Variants in KCNRG observed in about 807,000 individuals in gnomAD.
The protein encoded by KCNRG is potassium channel regulatory protein.
Under a neutral mutation model 17.7 loss-of-function variants are expected in KCNRG, and 17 were observed. The ratio of observed to expected loss-of-function variants is 0.96; its 90% confidence interval spans 0.66 to 1.44. The LOEUF is 1.44. Among genes scored for constraint, KCNRG ranks in the 40% most tolerant of loss-of-function variants. The probability of loss-of-function intolerance (pLI) is 0.00; values close to 1 mark genes in which losing one functional copy is unlikely to be tolerated. For missense variants in KCNRG, 311 were observed against 321.1 expected, an observed-to-expected ratio of 0.97 and a Z score of 0.24; for synonymous variants, 97 against 116.5, an observed-to-expected ratio of 0.83 and a Z score of 1.08.
intron 1 of KCNRG, among the ~76,000 whole-genome samples, chr13:50,019,697 A>C (rs1009127584): frequency 2.6e-5 from 4 of 152,166 alleles, no homozygotes; most frequent in Non-Finnish European, 4.4e-5. Flanking sequence ...TATGGAATTG[A>C]AATGACTTTC....
In KCNRG at chr13:50,020,275, C is replaced by G. The variant is rs755333151; in HGVS notation, c.640C>G (p.Leu214Val). Residue 214 changes from leucine to valine, a missense_variant, in exon 2 of 2, where the codon CTG becomes GTG. By Grantham distance (32) the Leu-to-Val change is conservative. Transcript: ENST00000312942. ...CAACGGAACAAATGTCCTCGGCTTA[C>G]TGATTGACACTTTATTAAAGGAAGG... ...LANGTNVLGL[L>V]IDTLLKEGFH... 8.6e-5 allele frequency: 138 copies of G among 1,613,862 alleles called. No individual in the cohort carries two copies. Among genetic ancestry groups the G allele is most frequent in the Non-Finnish European group, 1.1e-4 (129 of 1,179,868 alleles).
rs754327941 is a variant in KCNRG at position 50,020,224 on chromosome 13, A to G, written c.589A>G (p.Ile197Val). 1.1e-5 allele frequency: 17 copies of G among 1,613,922 alleles called. No individual in the cohort carries two copies. Among genetic ancestry groups the G allele is most frequent in the African/African-American group, 1.3e-5 (1 of 74,916 alleles). The change falls in exon 2 of 2, where the codon ATA (isoleucine) becomes GTA (valine). Residue 197 changes from isoleucine to valine, a missense_variant. Physicochemically the swap from Ile to Val is conservative, Grantham distance 29. Transcript: ENST00000312942. The part of the protein sequence containing the change: ...DNQTGVRYVS[I>V]KPDNRKLANG... ...TTTTGTGTGTCCTAGGTATGTTTCT[A>G]TAAAACCTGATAACCGAAAATTGGC...
rs138181145 is a variant in KCNRG at position 50,020,396 on chromosome 13, A to G, written c.761A>G (p.Asn254Ser). Residue 254 changes from asparagine (N) to serine (S), a missense_variant, in exon 2 of 2, where the codon AAT becomes AGT. Transcript: ENST00000312942. ...AAAAGCCCTGAAGTGCTCATCACGAATGAAACACCAAAACCAGAGACTATC... is the reference window on the plus strand; with the variant it reads ...AAAAGCCCTGAAGTGCTCATCACGAGTGAAACACCAAAACCAGAGACTATC... ...RIKSPEVLIT[N>S]ETPKPETIII... is the part of the protein sequence containing the mutation. The G allele has an allele frequency of 3.3e-4, 531 of 1,614,066 alleles. 7 individuals are homozygous for G. In the East Asian group the frequency reaches 0.011, roughly 35 times the overall value.
Position 50,015,466 on chromosome 13 carries a change from G to T in KCNRG, c.-28G>T, listed in dbSNP as rs748126751. 2 of 1,510,532 alleles carry T rather than the reference G, an allele frequency of 1.3e-6. No homozygotes were observed. The highest frequency in any genetic ancestry group is 9.1e-7 in the Non-Finnish European group (1 of 1,100,932). The allele number at this position is 1,510,532 out of a possible 1,614,324, so 93.6% of individuals were successfully genotyped here. ...GTTGATTTCCTAAGTGTGGCTGATG[G>T]TAGCCTCTAGTTTGAAGTGAGGGAA... On this transcript the variant is annotated 5_prime_UTR_variant, in exon 1 of 2. Transcript: ENST00000312942.
intron 1 of KCNRG, chr13:50,018,390 C>T (rs574555715): frequency 4.8e-5 from 8 of 166,490 alleles, no homozygotes; most frequent in East Asian, 1.9e-4. Context: ...CAAGATCTGG[C>T]GCTTGGGGGT....
At position 50,015,611 on chromosome 13, in the gene KCNRG, C is replaced by CA; in HGVS notation, c.120dup (p.Glu41ArgfsTer16). 6.2e-7 allele frequency: 1 copy of CA among 1,614,002 alleles called. No homozygotes were observed. Among genetic ancestry groups the CA allele is most frequent in the Non-Finnish European group, 8.5e-7 (1 of 1,179,954 alleles). On this transcript the variant is annotated frameshift_variant, in exon 1 of 2. Coordinates refer to ENST00000312942, the MANE Select transcript of KCNRG (RefSeq NM_173605.2). LOFTEE classifies it high-confidence loss of function. ...GGCACGCATGTTAGATGGCAGAGAC[C>CA]AAGAATTCAAGATGGTTGGTGGCCA...
At chr13:50,016,720 TCTG>T (rs1455262693) in intron 1 of KCNRG, 1 of 167,068 alleles carries the variant, frequency 6.0e-6, no homozygotes, top group Non-Finnish European at 1.5e-5. Flanking sequence ...TGATTTCCAC[TCTG>T]CTGTCACAAA....
rs567668233 is a variant in KCNRG at position 50,015,803 on chromosome 13, C to T, written c.310C>T (p.Gln104Ter). 8 of 1,614,156 alleles carry T rather than the reference C, an allele frequency of 5.0e-6. No homozygotes were observed. The South Asian group carries it at 6.6e-5, about 13-fold the overall frequency. ...LVDLLNPYLL[Q>*]PRPALVEVHF... ...TGATCTCTTAAACCCATACCTGCTA[C>T]AGCCAAGACCTGCTCTTGTGGAGGT... Residue 104 changes from glutamine to a stop codon, truncating the protein, a stop_gained, in exon 1 of 2, where the codon CAG becomes TAG. Coordinates refer to ENST00000312942, the MANE Select transcript of KCNRG (RefSeq NM_173605.2). LOFTEE classifies it high-confidence loss of function.
chr13:50,020,465 C>G lies in KCNRG; in HGVS notation c.*11C>G, dbSNP rs1371406871. 4 of 1,609,120 alleles carry G rather than the reference C, an allele frequency of 2.5e-6. No homozygotes were observed. Among genetic ancestry groups the G allele is most frequent in the Non-Finnish European group, 3.4e-6 (4 of 1,178,196 alleles). On this transcript the variant is annotated 3_prime_UTR_variant, in exon 2 of 2. Coordinates refer to ENST00000312942, the MANE Select transcript of KCNRG (RefSeq NM_173605.2). ...CAGATAAAGAAATGAAGTTGTCTATCCTCTTTTAAAGAGAAATTGCCATTT... is the reference window on the plus strand; with the variant it reads ...CAGATAAAGAAATGAAGTTGTCTATGCTCTTTTAAAGAGAAATTGCCATTT...
Position 50,020,324 on chromosome 13 carries a change from C to T in KCNRG, c.689C>T (p.Thr230Ile), listed in dbSNP as rs758732135. 4 of 1,614,062 alleles carry T rather than the reference C, an allele frequency of 2.5e-6. No homozygotes were observed. The South Asian group carries it at 4.4e-5, about 18-fold the overall frequency. Residue 230 changes from threonine (T) to isoleucine (I), a missense_variant, in exon 2 of 2, where the codon ACA becomes ATA. Transcript: ENST00000312942. ...GGCTTTCATTTGGTCAGCACTAGAA[C>T]AGTATCTTCTGAAGACAAAACTGAA... ...KEGFHLVSTR[T>I]VSSEDKTECY... is the part of the protein sequence containing the mutation.
chr13:50,016,259 AAG>A (rs1876554100), intron 1 of KCNRG, 188 bp downstream of exon 1: 1 of 568,178 alleles, frequency 1.8e-6, no homozygotes, highest in Admixed American at 3.3e-5. Flanking sequence ...TTTAGAGTGA[AAG>A]GGGCTATTAT....
In KCNRG at chr13:50,015,726, A is replaced by ACTAT. The variant is rs765814274; in HGVS notation, c.236_239dup (p.Arg81SerfsTer2). ...CTTTTATTACCCACTGAATTTTCAG[A>ACTAT]CTATCTTAGGCTTCAGAGAGAGGCT... On this transcript the variant is annotated frameshift_variant, in exon 1 of 2. Coordinates refer to ENST00000312942, the MANE Select transcript of KCNRG (RefSeq NM_173605.2). LOFTEE classifies it high-confidence loss of function. 1.9e-6 allele frequency: 3 copies of ACTAT among 1,613,950 alleles called. No homozygotes were observed. The highest frequency in any genetic ancestry group is 2.7e-5 in the African/African-American group (2 of 74,918).
intron 1 of KCNRG, chr13:50,017,840 G>A (rs1004785262): frequency 2.4e-5 from 4 of 166,946 alleles, no homozygotes; most frequent in African/African-American, 9.7e-5. Context: ...ATATTTTTTG[G>A]TAGGTTTGGA....
intron 1 of KCNRG, chr13:50,017,981 C>T (rs931109773): frequency 2.4e-5 from 4 of 167,004 alleles, no homozygotes; most frequent in Non-Finnish European, 5.9e-5. Context: ...CTCTCAAGGT[C>T]ACAGTACTAG....
Position 50,016,009 on chromosome 13 carries a change from T to TTACCATGACC in KCNRG, c.518_527dup (p.Val177ProfsTer2). On this transcript the variant is annotated frameshift_variant, in exon 1 of 2. Coordinates refer to ENST00000312942, the MANE Select transcript of KCNRG (RefSeq NM_173605.2). LOFTEE classifies it high-confidence loss of function. ...TTCCACTGCCTCCACAAAGACCTTC[T>TTACCATGACC]TACCATGACCTGGTTTTCCAGTGTG... 1 of 1,614,144 alleles carries TTACCATGACC rather than the reference T, an allele frequency of 6.2e-7. No individual in the cohort carries two copies. The highest frequency in any genetic ancestry group is 8.5e-7 in the Non-Finnish European group (1 of 1,179,976).
chr13:50,018,437 A>G (rs1453090805), intron 1 of KCNRG: 2 of 166,258 alleles, frequency 1.2e-5, no homozygotes, highest in East Asian at 3.8e-4. Context: ...AATCTGTTGT[A>G]TCAAACATAA....
At chr13:50,016,188 T>G in intron 1 of KCNRG, 117 bp downstream of exon 1, 1 of 766,836 alleles carries the variant, frequency 1.3e-6, no homozygotes, top group Non-Finnish European at 2.1e-6. Flanking sequence ...AATAATGTTT[T>G]GGGGTAACCA....
At chr13:50,016,171 T>A (rs1876538292) in intron 1 of KCNRG, 100 bp downstream of exon 1, 1 of 824,620 alleles carries the variant, frequency 1.2e-6, no homozygotes, top group Non-Finnish European at 1.9e-6. Flanking sequence ...AAAAGATGAT[T>A]ATTCAAAATA....
At position 50,015,967 on chromosome 13, in the gene KCNRG, T is replaced by C. The variant is rs757391824; in HGVS notation, c.474T>C (p.Pro158=). 1 of 1,614,128 alleles carries C rather than the reference T, an allele frequency of 6.2e-7. No homozygotes were observed. Residue 158 remains proline, a synonymous_variant, in exon 1 of 2, where the codon CCT becomes CCC. Transcript: ENST00000312942. The part of the protein sequence containing the change: ...SAPTWNGNFF[P]PQMTLLPLPP... ...CGACCTGGAATGGTAACTTTTTCCCTCCTCAGATGACCTTACTTCCACTGC... is the reference window on the plus strand; with the variant it reads ...CGACCTGGAATGGTAACTTTTTCCCCCCTCAGATGACCTTACTTCCACTGC...
Sources: gnomAD v4.1 joint callset for allele counts (sites outside exome capture counted in the v4.1 genomes callset) on GRCh38, gnomAD v4.1.1 for gene constraint, MANE v1.5 for transcripts, NCBI Gene and HGNC (gene_info 2026-07-23, HGNC 2026-07-21) for gene names.